The following SNRNP27 variants were observed in gnomAD, a reference collection of about 807,000 sequenced individuals.
SNRNP27 encodes the protein small nuclear ribonucleoprotein U4/U6.U5 subunit 27.
Under a neutral mutation model 25.1 loss-of-function variants are expected in SNRNP27, and 22 were observed. The observed-to-expected ratio is 0.88, with a 90% CI of 0.63 to 1.25. The LOEUF is 1.25. Among genes scored for constraint, SNRNP27 ranks in the 50% most tolerant of loss-of-function variants. SNRNP27 has a pLI of 0.00. For synonymous variants in SNRNP27, 66 were observed against 64.9 expected, an observed-to-expected ratio of 1.02 and a Z score of -0.08; for missense variants, 150 against 202.3, an observed-to-expected ratio of 0.74 and a Z score of 1.57.
At chr2:69,900,999 C>T (rs1026173422) in intron 4 of SNRNP27, among the ~76,000 whole-genome samples, 10 of 151,910 alleles carry the variant, frequency 6.6e-5, no homozygotes, top group African/African-American at 2.4e-4. Flanking sequence ...CATGATGAAA[C>T]CCCATGTCTA....
At chr2:69,903,333 ATGTAG>A in intron 5 of SNRNP27, 88 bp downstream of exon 5, 1 of 960,570 alleles carries the variant, frequency 1.0e-6, no homozygotes, top group South Asian at 1.3e-5. Context: ...TTTGTAGGAA[ATGTAG>A]CAGTTTTCCA....
rs1676608263 is a variant in SNRNP27, at chr2:69,896,677, T to TG, written c.268+129_268+130insG. 13 of 403,800 alleles carry TG rather than the reference T, an allele frequency of 3.2e-5. No homozygotes were observed. The South Asian group carries it at 6.6e-4, about 21-fold the overall frequency. The allele number at this position is 403,800 out of a possible 1,614,324, so 25.0% of individuals were successfully genotyped here. On this transcript the variant is annotated intron_variant, in intron 3 of 5. Coordinates refer to ENST00000244227, the MANE Select transcript of SNRNP27 (RefSeq NM_006857.3). ...GCATATGGTTTTGAGTTTTTTTTGGTTTTTTTTTTTTTGAGATAGAGTTTC... is the reference window on the plus strand; with the variant it reads ...GCATATGGTTTTGAGTTTTTTTTGGTGTTTTTTTTTTTTGAGATAGAGTTTC...
intron 4 of SNRNP27, among the ~76,000 whole-genome samples, chr2:69,899,020 T>C (rs1444422292): frequency 6.6e-6 from 1 of 152,208 alleles, no homozygotes; most frequent in African/African-American, 2.4e-5. Context: ...ATGGAATTAT[T>C]TTCTTTGTTT....
intron 4 of SNRNP27, among the ~76,000 whole-genome samples, chr2:69,902,197 CT>C (rs1676710255): frequency 1.3e-5 from 2 of 151,076 alleles, no homozygotes; most frequent in African/African-American, 4.9e-5. Flanking sequence ...CTCCTCCTTC[CT>C]CCTTCCTCCT....
chr2:69,899,308 A>G (rs1676654779), intron 4 of SNRNP27, among the ~76,000 whole-genome samples: 2 of 152,194 alleles, frequency 1.3e-5, no homozygotes, highest in Admixed American at 1.3e-4. Flanking sequence ...GTTTTTAAGT[A>G]ATGTGTGTCT....
chr2:69,899,611 G>T (rs1475426223), intron 4 of SNRNP27, among the ~76,000 whole-genome samples: 1 of 151,908 alleles, frequency 6.6e-6, no homozygotes, highest in East Asian at 1.9e-4. Context: ...CGTATTTTTA[G>T]TAGAGATGGG....
intron 4 of SNRNP27, among the ~76,000 whole-genome samples, chr2:69,900,454 C>T (rs934941167): frequency 6.6e-6 from 1 of 152,150 alleles, no homozygotes; most frequent in Non-Finnish European, 1.5e-5. Flanking sequence ...TCATATACCT[C>T]ACAAGTAATT....
intron 4 of SNRNP27, among the ~76,000 whole-genome samples, chr2:69,902,712 T>G (rs562322691): frequency 2.0e-5 from 3 of 152,282 alleles, no homozygotes; most frequent in Admixed American, 2.0e-4. Context: ...CTTCTGCTTC[T>G]GCTGCTGCTG....
At chr2:69,903,574 A>G (rs997132967) in intron 5 of SNRNP27, among the ~76,000 whole-genome samples, 5 of 152,224 alleles carry the variant, frequency 3.3e-5, no homozygotes, top group African/African-American at 1.2e-4. Flanking sequence ...TAGATTGATT[A>G]TGTAAGGATT....
chr2:69,895,839 C>T (rs1338405086), intron 2 of SNRNP27, among the ~76,000 whole-genome samples: 4 of 152,188 alleles, frequency 2.6e-5, no homozygotes, highest in South Asian at 4.1e-4. Context: ...GGATTACAGG[C>T]GTGAGCCACT....
intron 1 of SNRNP27, 52 bp downstream of exon 1, chr2:69,894,070 C>CTTTTG (rs1389549436): frequency 6.6e-7 from 1 of 1,520,848 alleles, no homozygotes; most frequent in Non-Finnish European, 9.1e-7. Context: ...AGGCCTGTCC[C>CTTTTG]TTTTGTTTTA....
Position 69,894,026 on chromosome 2 carries a change from C to A in SNRNP27, c.34+8C>A, listed in dbSNP as rs1009566956. On this transcript the variant is annotated splice_region_variant and intron_variant, in intron 1 of 5. Coordinates refer to ENST00000244227, the MANE Select transcript of SNRNP27 (RefSeq NM_006857.3). Reference sequence around the variant, plus strand: ...GCCGCTCTCCACGGAGGGGTGAGTCCTGTAGCAATTCGGAGGATATGGGGC... The same window carrying A: ...GCCGCTCTCCACGGAGGGGTGAGTCATGTAGCAATTCGGAGGATATGGGGC... 1.2e-6 allele frequency: 2 copies of A among 1,612,738 alleles called. No homozygotes were observed. Among genetic ancestry groups the A allele is most frequent in the Non-Finnish European group, 1.7e-6 (2 of 1,178,954 alleles).
chr2:69,896,148 GC>G (rs1217396892), intron 2 of SNRNP27, among the ~76,000 whole-genome samples: 3 of 152,010 alleles, frequency 2.0e-5, no homozygotes, highest in Non-Finnish European at 2.9e-5. Context: ...GTTTAAGTCA[GC>G]TTTTTTGTAT....
intron 3 of SNRNP27, among the ~76,000 whole-genome samples, chr2:69,896,901 T>C (rs2104115227): frequency 6.6e-6 from 1 of 152,304 alleles, no homozygotes; most frequent in African/African-American, 2.4e-5. Flanking sequence ...CTCAAACTCC[T>C]GACCTCAGGT....
intron 2 of SNRNP27, 106 bp from the exon 3 acceptor site, chr2:69,896,330 C>T (rs894100367): frequency 2.2e-5 from 24 of 1,067,302 alleles, no homozygotes; most frequent in Middle Eastern, 3.0e-4. Flanking sequence ...CTTTGCTATA[C>T]GGAATGACTC....
At chr2:69,897,702 A>G in intron 4 of SNRNP27, 1 of 414,872 alleles carries the variant, frequency 2.4e-6, no homozygotes. Context: ...AAGAGGAAGA[A>G]GATTATTTCA....
At chr2:69,903,483 A>G in intron 5 of SNRNP27, 1 of 429,362 alleles carries the variant, frequency 2.3e-6, no homozygotes, top group South Asian at 3.4e-5. Flanking sequence ...ATAGATAGTA[A>G]TTTCCTCAGA....
chr2:69,897,563 CTA>C, intron 4 of SNRNP27, 107 bp downstream of exon 4: 1 of 903,726 alleles, frequency 1.1e-6, no homozygotes, highest in Non-Finnish European at 1.8e-6. Context: ...AAGACAATAA[CTA>C]TCTGTTTGAA....
Position 69,904,386 on chromosome 2 carries a change from G to A in SNRNP27, c.*78G>A. 1 of 1,118,474 alleles carries A rather than the reference G, an allele frequency of 8.9e-7. No homozygotes were observed. The highest frequency in any genetic ancestry group is 1.4e-6 in the Non-Finnish European group (1 of 735,598). The allele number at this position is 1,118,474 out of a possible 1,614,324, so 69.3% of individuals were successfully genotyped here. A position where few individuals can be genotyped will look rare whatever the true frequency, so the allele number is the denominator to read the frequency against. On this transcript the variant is annotated 3_prime_UTR_variant, in exon 6 of 6. Transcript: ENST00000244227. ...GGATTTTGTATTTTGTATTTAACTT[G>A]CATTCAAAAAACAGGATCTCAGTTC...
Sources: gnomAD v4.1 joint callset for allele counts (sites outside exome capture counted in the v4.1 genomes callset) on GRCh38, gnomAD v4.1.1 for gene constraint, MANE v1.5 for transcripts, NCBI Gene and HGNC (gene_info 2026-07-23, HGNC 2026-07-21) for gene names.